Variants in RAB3D observed in about 807,000 individuals in gnomAD.
RAB3D encodes RAB3D, member RAS oncogene family, also known as ras-related protein Rab-3D.
In RAB3D, 17 loss-of-function variants were observed where a neutral mutation model predicts 19.3. The ratio of observed to expected loss-of-function variants is 0.88; its 90% CI spans 0.60 to 1.32. The LOEUF (loss-of-function observed/expected upper bound fraction) is 1.32. RAB3D is among the 40% of genes most tolerant of loss of function. The pLI, the probability that RAB3D is intolerant of heterozygous loss-of-function variation, is 0.00. For synonymous variants in RAB3D, 103 were observed against 119.9 expected, an observed-to-expected ratio of 0.86 and a Z score of 0.92; for missense variants, 223 against 299.1, an observed-to-expected ratio of 0.75 and a Z score of 1.88.
chr19:11,335,639 G>C (rs1347603611), intron 3 of RAB3D, 26 bp downstream of exon 3: 1 of 1,613,374 alleles, frequency 6.2e-7, no homozygotes, highest in South Asian at 1.1e-5. Flanking sequence ...GCAAAGATCA[G>C]GGGTCCATGA....
Position 11,322,478 on chromosome 19 carries a change from G to A in RAB3D, c.*2920C>T, listed in dbSNP as rs932650132. ...AGAAGGAAGGCACTGGTTAGTGGGT[G>A]GTCCTGACCAATCCCCTGGAGCTGG... is the stretch of plus-strand genomic sequence containing the variant. On this transcript the variant is annotated 3_prime_UTR_variant, in exon 5 of 5. Coordinates refer to ENST00000222120, the MANE Select transcript of RAB3D (RefSeq NM_004283.4). 1 of 152,148 alleles carries A rather than the reference G, an allele frequency of 6.6e-6. No homozygotes were observed. The highest frequency in any genetic ancestry group is 1.5e-5 in the Non-Finnish European group (1 of 68,032). 9.4% of individuals were successfully genotyped at this position (152,148 alleles called of 1,614,324 possible).
intron 3 of RAB3D, 42 bp from the exon 4 acceptor site, chr19:11,335,613 G>C (rs1174468946): frequency 1.2e-6 from 2 of 1,613,596 alleles, no homozygotes; most frequent in Non-Finnish European, 1.7e-6. Context: ...GGGGGGGTTA[G>C]GGGTCAGAGG....
At chr19:11,338,743 C>CGACCACTGCCGCCCACCCT (rs2147971841) in intron 1 of RAB3D, among the ~76,000 whole-genome samples, 2 of 152,336 alleles carry the variant, frequency 1.3e-5, no homozygotes, top group Middle Eastern at 3.4e-3. Context: ...AACCCCACCA[C>CGACCACTGCCGCCCACCCT]CACGACCACT....
rs139332966 is a variant in RAB3D, at chr19:11,325,503, C to T, written c.555G>A (p.Glu185=). Residue 185 remains glutamate, a synonymous_variant, in exon 5 of 5, where the codon GAG becomes GAA. Coordinates refer to ENST00000222120, the MANE Select transcript of RAB3D (RefSeq NM_004283.4). The stretch of plus-strand genomic sequence containing the variant: ...TGGGTTCCAGGGACTCGTTCATCTT[C>T]TCGCAGATGACATCCACCAGGCGCT... ...VFERLVDVIC[E]KMNESLEPSS... is the part of the protein sequence containing the mutation. The T allele has an allele frequency of 1.2e-6, 2 of 1,613,718 alleles. No homozygotes were observed. Among genetic ancestry groups the T allele is most frequent in the Non-Finnish European group, 8.5e-7 (1 of 1,180,024 alleles).
chr19:11,335,404 G>T, intron 4 of RAB3D, 43 bp downstream of exon 4: 2 of 1,610,428 alleles, frequency 1.2e-6, no homozygotes, highest in South Asian at 1.1e-5. Flanking sequence ...ATGAGGGTTT[G>T]GTTCTGGGAG....
At chr19:11,339,349 C>A (rs540149550) in intron 1 of RAB3D, 120 bp downstream of exon 1, 2 of 152,454 alleles carry the variant, frequency 1.3e-5, no homozygotes, top group African/African-American at 4.8e-5. Context: ...CCCGCCCGCG[C>A]CCCATCAGCG....
Position 11,335,301 on chromosome 19 carries a change from TTA to T in RAB3D, c.472+144_472+145del, listed in dbSNP as rs1480140917. 13 of 1,199,392 alleles carry T rather than the reference TTA, an allele frequency of 1.1e-5. No homozygotes were observed. The African/African-American group carries it at 1.8e-4, about 17-fold the overall frequency. 74.3% of individuals were successfully genotyped at this position (1,199,392 alleles called of 1,614,324 possible). ...GTTCCTGCGCGTGGATCCCCTGCAA[TTA>T]GACGGGACATGTGGCATACACATGG... On this transcript the variant is annotated intron_variant, in intron 4 of 4. Transcript: ENST00000222120.
chr19:11,337,138 C>T (rs1199695098), intron 2 of RAB3D, 34 bp downstream of exon 2: 1 of 1,585,592 alleles, frequency 6.3e-7, no homozygotes. Context: ...TGGAGGGACC[C>T]CACCCCCAAC....
chr19:11,325,625 G>A (rs753949014), intron 4 of RAB3D, 40 bp from the exon 5 acceptor site: 6 of 1,352,878 alleles, frequency 4.4e-6, no homozygotes, highest in Non-Finnish European at 5.8e-6. Flanking sequence ...TAAGACCCCT[G>A]AGGGCAGAGT....
chr19:11,335,926 G>A, intron 2 of RAB3D, 143 bp from the exon 3 acceptor site: 1 of 743,524 alleles, frequency 1.3e-6, no homozygotes, highest in Non-Finnish European at 2.3e-6. Flanking sequence ...GTCTGATGGA[G>A]AATACACAGA....
chr19:11,331,230 G>T (rs1457145849), intron 4 of RAB3D, among the ~76,000 whole-genome samples: 1 of 151,904 alleles, frequency 6.6e-6, no homozygotes, highest in Non-Finnish European at 1.5e-5. Flanking sequence ...GGGAGGCGGA[G>T]GTGGCAATGA....
rs907625067 is a variant in RAB3D at position 11,322,137 on chromosome 19, T to C, written c.*3261A>G. ...TCTTTCCAAACTGGACATCAAGGAATTGCTACACAGAAGAACCACATCCAG... is the reference window on the plus strand; with the variant it reads ...TCTTTCCAAACTGGACATCAAGGAACTGCTACACAGAAGAACCACATCCAG... On this transcript the variant is annotated 3_prime_UTR_variant, in exon 5 of 5. Transcript: ENST00000222120. 6.6e-6 allele frequency: 1 copy of C among 152,124 alleles called. No individual in the cohort carries two copies. Among genetic ancestry groups the C allele is most frequent in the Non-Finnish European group, 1.5e-5 (1 of 68,034 alleles). 9.4% of individuals were successfully genotyped at this position (152,124 alleles called of 1,614,324 possible).
At position 11,337,195 on chromosome 19, in the gene RAB3D, T is replaced by A; in HGVS notation, c.205A>T (p.Lys69Ter). 3 of 1,613,966 alleles carry A rather than the reference T, an allele frequency of 1.9e-6. No homozygotes were observed. Among genetic ancestry groups the A allele is most frequent in the Non-Finnish European group, 2.5e-6 (3 of 1,179,944 alleles). ...FKVKTVYRHDKRIKLQIWDTA... is the reference protein window; with the variant it reads ...FKVKTVYRHD ...ACCCAGATCTGCAGCTTGATCCTCT[T>A]GTCATGGCGGTAGACGGTCTTGACC... The change falls in exon 2 of 5, where the codon AAG (lysine) becomes TAG (stop). Residue 69 changes from lysine to a stop codon, truncating the protein, a stop_gained. Coordinates refer to ENST00000222120, the MANE Select transcript of RAB3D (RefSeq NM_004283.4). LOFTEE classifies it high-confidence loss of function.
intron 1 of RAB3D, among the ~76,000 whole-genome samples, chr19:11,339,081 G>A (rs1966925886): frequency 6.6e-6 from 1 of 152,230 alleles, no homozygotes; most frequent in South Asian, 2.1e-4. Flanking sequence ...GAGGGGAAGA[G>A]AAGAGGCAGG....
chr19:11,323,862 G>GGGGTGTTGGTTGGTGTTTGGGAGCAAA lies in RAB3D; in HGVS notation c.*1509_*1535dup, dbSNP rs1184713616. On this transcript the variant is annotated 3_prime_UTR_variant, in exon 5 of 5. Transcript: ENST00000222120. ...ATCCTAACAGTGCTGGTCCTGTGAA[G>GGGGTGTTGGTTGGTGTTTGGGAGCAAA]GGGTGTTGGTTGGTGTTTGGGAGCA... 6.6e-6 allele frequency: 1 copy of GGGGTGTTGGTTGGTGTTTGGGAGCAAA among 152,242 alleles called. No homozygotes were observed. The highest frequency in any genetic ancestry group is 2.4e-5 in the African/African-American group (1 of 41,444). The allele number at this position is 152,242 out of a possible 1,614,324, so 9.4% of individuals were successfully genotyped here. A position where few individuals can be genotyped will look rare whatever the true frequency, so the allele number is the denominator to read the frequency against.
rs1599360669 is a variant in RAB3D at position 11,337,377 on chromosome 19, T to C, written c.23A>G (p.Gln8Arg). The C allele has an allele frequency of 1.2e-6, 2 of 1,614,076 alleles. No individual in the cohort carries two copies. The highest frequency in any genetic ancestry group is 2.2e-5 in the South Asian group (2 of 91,090). MASAGDT[Q>R]AGPRDAADQN... Reference sequence around the variant, plus strand: ...ATCTGCTGCATCCCGTGGGCCTGCCTGGGTGTCTCCAGCTGATGCCATCTT... The same window carrying C: ...ATCTGCTGCATCCCGTGGGCCTGCCCGGGTGTCTCCAGCTGATGCCATCTT... The change falls in exon 2 of 5, where the codon CAG becomes CGG. Residue 8 changes from glutamine to arginine, a missense_variant. By Grantham distance (43) the Gln-to-Arg change is conservative (BLOSUM62 1). Transcript: ENST00000222120.
intron 1 of RAB3D, among the ~76,000 whole-genome samples, chr19:11,337,734 G>T (rs2147971424): frequency 6.6e-6 from 1 of 151,350 alleles, no homozygotes; most frequent in Non-Finnish European, 1.5e-5. Context: ...GCAGTGGCGT[G>T]ATCATAGCTC....
intron 4 of RAB3D, among the ~76,000 whole-genome samples, chr19:11,329,512 CAGG>C: frequency 6.6e-6 from 1 of 150,872 alleles, no homozygotes. Flanking sequence ...GAGGCTGAGG[CAGG>C]AGAATTGCTT....
At chr19:11,338,319 C>G (rs890211139) in intron 1 of RAB3D, among the ~76,000 whole-genome samples, 6 of 152,212 alleles carry the variant, frequency 3.9e-5, no homozygotes, top group African/African-American at 1.4e-4. Context: ...GAACTAGATT[C>G]TGGAGAAGGC....
Sources: gnomAD v4.1 joint callset for allele counts (sites outside exome capture counted in the v4.1 genomes callset) on GRCh38, gnomAD v4.1.1 for gene constraint, MANE v1.5 for transcripts, NCBI Gene and HGNC (gene_info 2026-07-23, HGNC 2026-07-21) for gene names.